Variants in SCFD2 observed in about 807,000 individuals in gnomAD.
The protein encoded by SCFD2 is sec1 family domain-containing protein 2.
A neutral mutation model predicts 58.9 loss-of-function variants in SCFD2; 54 were observed. The ratio of observed to expected loss-of-function variants is 0.92; its 90% CI spans 0.74 to 1.15. The LOEUF (loss-of-function observed/expected upper bound fraction) is 1.15, where lower values mean the gene tolerates loss of function less well. Among genes scored for constraint, SCFD2 ranks in the 50% most tolerant of loss-of-function variants. The probability of loss-of-function intolerance (pLI) is 0.00; values close to 1 mark genes in which losing one functional copy is unlikely to be tolerated. For synonymous variants in SCFD2, 321 were observed against 335.9 expected, an observed-to-expected ratio of 0.96 and a Z score of 0.49; for missense variants, 805 against 836.6, an observed-to-expected ratio of 0.96 and a Z score of 0.47.
intron 5 of SCFD2, among the ~76,000 whole-genome samples, chr4:52,998,666 G>T (rs775583912): frequency 5.9e-5 from 9 of 152,170 alleles, no homozygotes; most frequent in Admixed American, 5.9e-4. Context: ...CACCCAAAAA[G>T]AAGACTGATG....
At chr4:53,321,131 C>T (rs1290671250) in intron 2 of SCFD2, among the ~76,000 whole-genome samples, 1 of 148,190 alleles carries the variant, frequency 6.7e-6, no homozygotes, top group South Asian at 2.2e-4. Context: ...CAATGACATA[C>T]ACATAATAAT....
At chr4:53,121,898 T>C (rs560817264) in intron 5 of SCFD2, among the ~76,000 whole-genome samples, 1 of 152,338 alleles carries the variant, frequency 6.6e-6, no homozygotes, top group East Asian at 1.9e-4. Context: ...AGAATGCTAA[T>C]ATAAGCAGCT....
intron 4 of SCFD2, among the ~76,000 whole-genome samples, chr4:53,188,453 G>C (rs1291377188): frequency 6.7e-6 from 1 of 148,828 alleles, no homozygotes; most frequent in Non-Finnish European, 1.5e-5. Context: ...GTGTGTGTGT[G>C]TGTGTGTGTG....
At chr4:53,068,281 C>T in intron 5 of SCFD2, among the ~76,000 whole-genome samples, 1 of 152,092 alleles carries the variant, frequency 6.6e-6, no homozygotes, top group East Asian at 1.9e-4. Flanking sequence ...TTAAAATATA[C>T]ATAAATTTAA....
At chr4:53,205,921 A>G (rs1728393026) in intron 4 of SCFD2, among the ~76,000 whole-genome samples, 1 of 152,124 alleles carries the variant, frequency 6.6e-6, no homozygotes, top group African/African-American at 2.4e-5. Context: ...ATAAATTAAA[A>G]AAAACACAAT....
At chr4:53,120,413 A>G (rs1478910157) in intron 5 of SCFD2, among the ~76,000 whole-genome samples, 2 of 152,226 alleles carry the variant, frequency 1.3e-5, no homozygotes, top group Non-Finnish European at 2.9e-5. Flanking sequence ...ATGAGATATA[A>G]CTTGCTCAGG....
intron 5 of SCFD2, among the ~76,000 whole-genome samples, chr4:53,094,077 A>C (rs1724549174): frequency 6.6e-6 from 1 of 152,156 alleles, no homozygotes; most frequent in Non-Finnish European, 1.5e-5. Flanking sequence ...TTCCAGCATT[A>C]GTAGGGGTAT....
chr4:53,068,167 A>C (rs1560321483), intron 5 of SCFD2, among the ~76,000 whole-genome samples: 1 of 151,530 alleles, frequency 6.6e-6, no homozygotes, highest in African/African-American at 2.4e-5. Flanking sequence ...CAAAATTTTC[A>C]TAGATATTTT....
chr4:53,241,650 C>T (rs1355394468), intron 4 of SCFD2, among the ~76,000 whole-genome samples: 2 of 152,234 alleles, frequency 1.3e-5, no homozygotes, highest in Non-Finnish European at 2.9e-5. Flanking sequence ...TTTGCCAGCA[C>T]ATGTGTGCAC....
chr4:53,309,483 C>T (rs1368408578), intron 3 of SCFD2, among the ~76,000 whole-genome samples: 2 of 151,968 alleles, frequency 1.3e-5, no homozygotes, highest in Non-Finnish European at 2.9e-5. Flanking sequence ...AAAGTGTGAC[C>T]ACAGAGGATT....
chr4:53,019,791 G>A (rs1722304456), intron 5 of SCFD2, among the ~76,000 whole-genome samples: 1 of 152,116 alleles, frequency 6.6e-6, no homozygotes, highest in African/African-American at 2.4e-5. Context: ...GTAACTTACT[G>A]AGTTAATTTA....
chr4:52,882,110 A>G (rs554631364), intron 8 of SCFD2, among the ~76,000 whole-genome samples: 1 of 152,234 alleles, frequency 6.6e-6, no homozygotes, highest in South Asian at 2.1e-4. Flanking sequence ...AGACAGGGAG[A>G]AAAACTGGGG....
At chr4:53,308,991 G>A (rs1010225094) in intron 3 of SCFD2, among the ~76,000 whole-genome samples, 4 of 151,962 alleles carry the variant, frequency 2.6e-5, no homozygotes, top group African/African-American at 7.3e-5. Context: ...AAATTAGCCG[G>A]GCATGGTGGC....
intron 5 of SCFD2, among the ~76,000 whole-genome samples, chr4:53,134,756 C>T (rs1047077153): frequency 1.4e-4 from 22 of 152,214 alleles, no homozygotes; most frequent in African/African-American, 4.8e-4. Flanking sequence ...TTTTCACATT[C>T]TAGTTTCTTA....
chr4:53,288,626 C>T (rs1032443837), intron 3 of SCFD2, among the ~76,000 whole-genome samples: 5 of 152,006 alleles, frequency 3.3e-5, no homozygotes, highest in Admixed American at 6.6e-5. Flanking sequence ...AAAACAAAAC[C>T]GTTAGTGAAG....
chr4:53,063,396 TAAAGG>T (rs1186040966), intron 5 of SCFD2, among the ~76,000 whole-genome samples: 3 of 152,142 alleles, frequency 2.0e-5, no homozygotes, highest in Non-Finnish European at 4.4e-5. Flanking sequence ...CATAGTTCTT[TAAAGG>T]AAAGATATCA....
chr4:53,304,183 T>C (rs964338534), intron 3 of SCFD2, among the ~76,000 whole-genome samples: 4 of 152,148 alleles, frequency 2.6e-5, no homozygotes, highest in African/African-American at 9.7e-5. Context: ...GTAGGGATAC[T>C]GCCAAGAGAT....
chr4:53,161,503 T>C (rs1577789973), intron 4 of SCFD2, among the ~76,000 whole-genome samples: 1 of 152,288 alleles, frequency 6.6e-6, no homozygotes, highest in Non-Finnish European at 1.5e-5. Flanking sequence ...TTTCAGAGGA[T>C]GGAAAAAACA....
At chr4:53,015,172 A>G (rs1418566511) in intron 5 of SCFD2, among the ~76,000 whole-genome samples, 3 of 152,212 alleles carry the variant, frequency 2.0e-5, no homozygotes, top group Admixed American at 1.3e-4. Context: ...ACTATATTTA[A>G]GGTAATTTTA....
Sources: allele counts gnomAD v4.1 joint callset (sites outside exome capture counted in the v4.1 genomes callset), GRCh38; gene constraint gnomAD v4.1.1; transcripts MANE v1.5; gene names NCBI Gene and HGNC (gene_info 2026-07-23, HGNC 2026-07-21).